Variants in PLA2G6 observed in about 807,000 individuals in gnomAD.
The protein encoded by PLA2G6 is 85/88 kDa calcium-independent phospholipase A2.
In PLA2G6, 62 loss-of-function variants were observed where a neutral mutation model predicts 83.8. That is an observed-to-expected ratio of 0.74 (90% confidence interval 0.60 to 0.91). The LOEUF (loss-of-function observed/expected upper bound fraction) is 0.91. Among genes scored for constraint, PLA2G6 ranks in the 40% least tolerant of loss-of-function variants. PLA2G6 has a pLI of 0.00. For missense variants in PLA2G6, 944 were observed against 1,102.0 expected, an observed-to-expected ratio of 0.86 and a Z score of 2.03; for synonymous variants, 417 against 449.8, an observed-to-expected ratio of 0.93 and a Z score of 0.92.
intron 2 of PLA2G6, among the ~76,000 whole-genome samples, chr22:38,159,137 G>T (rs11570622): frequency 6.6e-6 from 1 of 152,108 alleles, no homozygotes; most frequent in South Asian, 2.1e-4. Flanking sequence ...TCTTTGGAAA[G>T]ATTTTTTAAA....
rs371094406 is a variant in PLA2G6, at chr22:38,133,024, C to T, written c.895-11G>A. ...CAGCATGCGGGCCATCTGCGGGAGA[C>T]GGTCAGGCTGAGTTAGCACAGGCAC... On this transcript the variant is annotated splice_polypyrimidine_tract_variant and intron_variant, in intron 6 of 16. Coordinates refer to ENST00000332509, the MANE Select transcript of PLA2G6 (RefSeq NM_003560.4). 36 of 1,556,176 alleles carry T rather than the reference C, an allele frequency of 2.3e-5. No individual in the cohort carries two copies. The highest frequency in any genetic ancestry group is 2.0e-4 in the African/African-American group (15 of 73,702).
At chr22:38,159,756 G>GGAAGGAAGGAAGGAAGGAAGGAAA (rs2089936831) in intron 2 of PLA2G6, among the ~76,000 whole-genome samples, 1 of 149,588 alleles carries the variant, frequency 6.7e-6, no homozygotes, top group Admixed American at 6.7e-5. Flanking sequence ...AAGGAAGGAA[G>GGAAGGAAGGAAGGAAGGAAGGAAA]GAAGGAGATC....
chr22:38,122,724 C>T (rs4820315), intron 11 of PLA2G6, among the ~76,000 whole-genome samples: 44,396 of 152,158 alleles, frequency 0.29, 7,256 homozygotes, highest in South Asian at 0.42. Flanking sequence ...CTGCCTGCTG[C>T]GTGCACCCTG....
rs11570679 is a variant in PLA2G6, at chr22:38,132,951, C to T, written c.957G>A (p.Thr319=). 0.011 allele frequency: 17,646 copies of T among 1,563,298 alleles called. 1,411 individuals are homozygous for T. The African/African-American group carries it at 0.19, about 17-fold the overall frequency. ...TGCGCATCACCGCCACGTGCAGGGCCGTGTTCCCCGCGGAGCTGGTGCTGT... is the reference window on the plus strand; with the variant it reads ...TGCGCATCACCGCCACGTGCAGGGCTGTGTTCCCCGCGGAGCTGGTGCTGT... ...NVNSTSSAGN[T]ALHVAVMRNR... is the part of the protein sequence containing the mutation. The change falls in exon 7 of 17, where the codon ACG becomes ACA. Residue 319 remains threonine, a synonymous_variant. Coordinates refer to ENST00000332509, the MANE Select transcript of PLA2G6 (RefSeq NM_003560.4). This position sits in a 1 kb window ranked among gnomAD's most constrained non-coding sequence, Gnocchi z 5.0.
chr22:38,135,249 C>T (rs1280791395), intron 5 of PLA2G6, 165 bp from the exon 6 acceptor site: 2 of 627,402 alleles, frequency 3.2e-6, no homozygotes, highest in Non-Finnish European at 5.8e-6. Flanking sequence ...TGTACTGAGC[C>T]CCTCAAGGCA....
chr22:38,143,960 T>G, intron 3 of PLA2G6: 1 of 176,204 alleles, frequency 5.7e-6, no homozygotes, highest in Non-Finnish European at 1.2e-5. Flanking sequence ...GCCAGGCTGG[T>G]CTCAAACTCC....
At chr22:38,174,423 C>T (rs1332617847) in intron 1 of PLA2G6, among the ~76,000 whole-genome samples, 2 of 151,930 alleles carry the variant, frequency 1.3e-5, no homozygotes, top group Non-Finnish European at 2.9e-5. Context: ...GAAAAACAAA[C>T]GAAGAAACAA....
chr22:38,112,448 G>A, intron 16 of PLA2G6, 56 bp downstream of exon 16: 1 of 1,515,404 alleles, frequency 6.6e-7, no homozygotes, highest in Non-Finnish European at 8.9e-7. Context: ...GGGAAGGTCG[G>A]TGAGTCCGAC....
At chr22:38,125,833 G>C (rs11570711) in intron 10 of PLA2G6, 4,787 of 406,398 alleles carry the variant, frequency 0.012, 209 homozygotes, top group African/African-American at 0.091. Context: ...CTGGTACCTT[G>C]CCGTGCCAGC....
rs759772088 is a variant in PLA2G6, at chr22:38,113,658, T to C, written c.2035-4A>G. 23 of 1,613,290 alleles carry C rather than the reference T, an allele frequency of 1.4e-5. No homozygotes were observed. Among genetic ancestry groups the C allele is most frequent in the Non-Finnish European group, 1.9e-5 (22 of 1,179,910 alleles). The stretch of plus-strand genomic sequence containing the variant: ...TCTTCACCTTGTTGGCCTGACCCTG[T>C]TGGGAACAGGACAGGGGCAGTCAGA... On this transcript the variant is annotated splice_region_variant and splice_polypyrimidine_tract_variant and intron_variant, in intron 14 of 16. Coordinates refer to ENST00000332509, the MANE Select transcript of PLA2G6 (RefSeq NM_003560.4).
chr22:38,173,851 A>T (rs539756176), intron 1 of PLA2G6, among the ~76,000 whole-genome samples: 2 of 151,920 alleles, frequency 1.3e-5, no homozygotes, highest in East Asian at 3.9e-4. Flanking sequence ...GGAATTTGAG[A>T]CCAGCCTGGG....
intron 2 of PLA2G6, among the ~76,000 whole-genome samples, chr22:38,154,572 T>C (rs1440077229): frequency 4.6e-5 from 7 of 152,254 alleles, no homozygotes; most frequent in Non-Finnish European, 8.8e-5. Context: ...AATGCAGATA[T>C]GGCTGCAGTG....
chr22:38,115,726 C>A, intron 13 of PLA2G6, 45 bp from the exon 14 acceptor site: 1 of 1,561,524 alleles, frequency 6.4e-7, no homozygotes, highest in Non-Finnish European at 8.7e-7. Flanking sequence ...AAGGGACTGG[C>A]ATAAAACCCA....
chr22:38,151,846 GT>G (rs2089576533), intron 2 of PLA2G6, among the ~76,000 whole-genome samples: 1 of 152,176 alleles, frequency 6.6e-6, no homozygotes, highest in African/African-American at 2.4e-5. Context: ...TGTGCAAAAG[GT>G]TTCAGACTTT....
At chr22:38,175,118 C>G (rs1031767689) in intron 1 of PLA2G6, among the ~76,000 whole-genome samples, 1 of 152,276 alleles carries the variant, frequency 6.6e-6, no homozygotes, top group Admixed American at 6.5e-5. Flanking sequence ...CAGGCAGTCC[C>G]CTCTCCTCCC....
chr22:38,160,801 C>T (rs546330557), intron 2 of PLA2G6, among the ~76,000 whole-genome samples: 2 of 151,878 alleles, frequency 1.3e-5, no homozygotes, highest in East Asian at 1.9e-4. Flanking sequence ...GCAGAGATTG[C>T]GCCACCGCAC....
intron 2 of PLA2G6, among the ~76,000 whole-genome samples, chr22:38,166,369 G>C (rs1306682563): frequency 1.3e-5 from 2 of 152,140 alleles, no homozygotes; most frequent in African/African-American, 2.4e-5. Context: ...GCAGGTTAGA[G>C]GGGAGAAGAT....
At chr22:38,148,311 A>C in intron 2 of PLA2G6, 1 of 566,938 alleles carries the variant, frequency 1.8e-6, no homozygotes, top group Non-Finnish European at 3.1e-6. Flanking sequence ...GGGAAAGTGT[A>C]ATCAGGCATT....
At chr22:38,119,190 C>G (rs1483466818) in intron 12 of PLA2G6, among the ~76,000 whole-genome samples, 5 of 152,078 alleles carry the variant, frequency 3.3e-5, no homozygotes, top group African/African-American at 1.2e-4. Context: ...ACCCAGACAC[C>G]AGGACTCACC....
Sources: gnomAD v4.1 joint callset for allele counts (sites outside exome capture counted in the v4.1 genomes callset) on GRCh38, gnomAD v4.1.1 for gene constraint, Gnocchi (gnomAD v3.1) non-coding constraint, MANE v1.5 for transcripts, NCBI Gene and HGNC (gene_info 2026-07-23, HGNC 2026-07-21) for gene names.